The following KCNQ1 variants were observed in gnomAD, a reference collection of about 807,000 sequenced individuals.
The protein encoded by KCNQ1 is potassium voltage-gated channel subfamily Q member 1, also known as potassium voltage-gated channel subfamily KQT member 1.
Under a neutral mutation model 72.4 loss-of-function variants are expected in KCNQ1, and 49 were observed. The observed-to-expected ratio is 0.68, with a 90% CI of 0.54 to 0.86. The LOEUF is 0.86. Among genes scored for constraint, KCNQ1 ranks in the 40% least tolerant of loss-of-function variants. The pLI, the probability that KCNQ1 is intolerant of heterozygous loss-of-function variation, is 0.00. For synonymous variants in KCNQ1, 450 were observed against 412.6 expected, an observed-to-expected ratio of 1.09 and a Z score of -1.10; for missense variants, 790 against 945.1, an observed-to-expected ratio of 0.84 and a Z score of 2.15.
Position 2,488,597 on chromosome 11 carries a change from A to G in KCNQ1, c.387-39331A>G, listed in dbSNP as rs1483760881. On this transcript the variant is annotated intron_variant, in intron 1 of 15. Transcript: ENST00000155840. This position sits in a 1 kb window ranked among gnomAD's most constrained non-coding sequence, Gnocchi z 5.1. ...AGTTTTGGTAGGTTTCGTGTTTCTC[A>G]GAATTTGTCCATTTCATCTAGGTTA... Among the ~76,000 whole-genome samples, 1 of 152,164 alleles carries G rather than the reference A, an allele frequency of 6.6e-6. No homozygotes were observed. Among genetic ancestry groups the G allele is most frequent in the Non-Finnish European group, 1.5e-5 (1 of 68,024 alleles).
chr11:2,743,848 G>T (rs979654347), intron 11 of KCNQ1, among the ~76,000 whole-genome samples: 6 of 152,256 alleles, frequency 3.9e-5, no homozygotes, highest in Admixed American at 2.6e-4. Context: ...ACAGGCAGCG[G>T]GTTCTTCTGG....
Position 2,690,633 on chromosome 11 carries a change from G to C in KCNQ1, c.1514+28552G>C. The C allele has an allele frequency of 5.0e-6, 2 of 398,582 alleles. No individual in the cohort carries two copies. Among genetic ancestry groups the C allele is most frequent in the Non-Finnish European group, 8.8e-6 (2 of 226,014 alleles). The allele number at this position is 398,582 out of a possible 1,614,324, so 24.7% of individuals were successfully genotyped here. On this transcript the variant is annotated intron_variant, in intron 11 of 15. Coordinates refer to ENST00000155840, the MANE Select transcript of KCNQ1 (RefSeq NM_000218.3). This position sits in a 1 kb window ranked among gnomAD's most constrained non-coding sequence, Gnocchi z 5.1. ...TATGTGCATGTTCATATATGTGTCA[G>C]AATGCGTATTTGTCAGTGTATGTGT...
In KCNQ1 at chr11:2,482,375, C is replaced by T. The variant is rs1846664513; in HGVS notation, c.386+36891C>T. Reference sequence around the variant, plus strand: ...TTTCAATGGCTGCCTGGCATTTCCCCTGTGTTATTGAACGTAATCAACTCT... The same window carrying T: ...TTTCAATGGCTGCCTGGCATTTCCCTTGTGTTATTGAACGTAATCAACTCT... On this transcript the variant is annotated intron_variant, in intron 1 of 15. Coordinates refer to ENST00000155840, the MANE Select transcript of KCNQ1 (RefSeq NM_000218.3). This position sits in a 1 kb window ranked among gnomAD's most constrained non-coding sequence, Gnocchi z 5.7. Among the ~76,000 whole-genome samples, 2 of 152,174 alleles carry T rather than the reference C, an allele frequency of 1.3e-5. No individual in the cohort carries two copies. The highest frequency in any genetic ancestry group is 4.8e-5 in the African/African-American group (2 of 41,442).
intron 15 of KCNQ1, among the ~76,000 whole-genome samples, chr11:2,797,236 G>A (rs1029619894): frequency 2.0e-5 from 3 of 152,284 alleles, no homozygotes; most frequent in Admixed American, 1.3e-4. Flanking sequence ...GCCGGGCAGC[G>A]CTGGCCCCAG....
chr11:2,529,598 A>G (rs759823056), intron 2 of KCNQ1, among the ~76,000 whole-genome samples: 1 of 152,140 alleles, frequency 6.6e-6, no homozygotes, highest in Non-Finnish European at 1.5e-5. Flanking sequence ...TTTCTAGTCT[A>G]TCATGTTTTC....
rs538211163 is a variant in KCNQ1 at position 2,541,052 on chromosome 11, CGT to C, written c.477+13042_477+13043del. Among the ~76,000 whole-genome samples, 94 of 152,258 alleles carry C rather than the reference CGT, an allele frequency of 6.2e-4. No individual in the cohort carries two copies. The highest frequency in any genetic ancestry group is 1.2e-3 in the Non-Finnish European group (83 of 68,040). On this transcript the variant is annotated intron_variant, in intron 2 of 15. Coordinates refer to ENST00000155840, the MANE Select transcript of KCNQ1 (RefSeq NM_000218.3). This position sits in a 1 kb window ranked among gnomAD's most constrained non-coding sequence, Gnocchi z 4.8. ...ATAGGTACCCATGTGGACACACTCA[CGT>C]GTGTGTGCACGTTCAGGCTCAGACA...
chr11:2,826,473 C>G lies in KCNQ1; in HGVS notation c.1795-21294C>G, dbSNP rs2134062146. On this transcript the variant is annotated intron_variant, in intron 15 of 15. Coordinates refer to ENST00000155840, the MANE Select transcript of KCNQ1 (RefSeq NM_000218.3). The surrounding 1 kb of genome is among the most constrained non-coding windows in gnomAD (Gnocchi z 4.2). ...TTCCGCGCAGACAGTCACGGAAACT[C>G]AGGCAGACCCGGCGTTGGGTGCGCC... Among the ~76,000 whole-genome samples, 1 of 152,368 alleles carries G rather than the reference C, an allele frequency of 6.6e-6. No homozygotes were observed. Among genetic ancestry groups the G allele is most frequent in the African/African-American group, 2.4e-5 (1 of 41,596 alleles).
chr11:2,449,404 G>T (rs1305237165), intron 1 of KCNQ1, among the ~76,000 whole-genome samples: 1 of 152,222 alleles, frequency 6.6e-6, no homozygotes, highest in Non-Finnish European at 1.5e-5. Flanking sequence ...TGAGGGAGGG[G>T]CTTTGCGGGG....
chr11:2,620,935 GTTGTT>G lies in KCNQ1; in HGVS notation c.1393+32094_1393+32098del, dbSNP rs893304638. ...TATGGTTTGGTGTTTTTTTGTTGTT[GTTGTT>G]TTGTTTTGTTTTTTTTTGTCTGTTT... On this transcript the variant is annotated intron_variant, in intron 10 of 15. Coordinates refer to ENST00000155840, the MANE Select transcript of KCNQ1 (RefSeq NM_000218.3). This position sits in a 1 kb window ranked among gnomAD's most constrained non-coding sequence, Gnocchi z 4.5. The G allele has an allele frequency of 9.0e-6, 3 of 331,584 alleles. No individual in the cohort carries two copies. Among genetic ancestry groups the G allele is most frequent in the Non-Finnish European group, 1.0e-5 (2 of 200,422 alleles). 20.5% of individuals were successfully genotyped at this position (331,584 alleles called of 1,614,324 possible). A position where few individuals can be genotyped will look rare whatever the true frequency, so the allele number is the denominator to read the frequency against.
rs1466539367 is a variant in KCNQ1 at position 2,828,763 on chromosome 11, T to C, written c.1795-19004T>C. 6.6e-6 allele frequency among the ~76,000 whole-genome samples: 1 copy of C among 152,198 alleles called. No homozygotes were observed. The highest frequency in any genetic ancestry group is 1.5e-5 in the Non-Finnish European group (1 of 68,034). On this transcript the variant is annotated intron_variant, in intron 15 of 15. Transcript: ENST00000155840. This position sits in a 1 kb window ranked among gnomAD's most constrained non-coding sequence, Gnocchi z 5.3. ...AGGGATTCAGTAAATGCATTCAAGCTAAAAAGGAAGACCTCCTCCCCCACT... is the reference window on the plus strand; with the variant it reads ...AGGGATTCAGTAAATGCATTCAAGCCAAAAAGGAAGACCTCCTCCCCCACT...
intron 11 of KCNQ1, among the ~76,000 whole-genome samples, chr11:2,722,774 T>C (rs1845690846): frequency 6.6e-6 from 1 of 152,118 alleles, no homozygotes; most frequent in Non-Finnish European, 1.5e-5. Flanking sequence ...AGCTGTGCCC[T>C]GTGACCAAGA....
chr11:2,523,683 C>G (rs1847433855), intron 1 of KCNQ1, among the ~76,000 whole-genome samples: 1 of 151,556 alleles, frequency 6.6e-6, no homozygotes, highest in Non-Finnish European at 1.5e-5. Flanking sequence ...CATCACGGTG[C>G]CCCTGTGAAG....
intron 1 of KCNQ1, among the ~76,000 whole-genome samples, chr11:2,470,649 G>A (rs1846434006): frequency 6.7e-6 from 1 of 150,040 alleles, no homozygotes. Flanking sequence ...CCTGAACTCA[G>A]CTTCCAGGGT....
intron 1 of KCNQ1, among the ~76,000 whole-genome samples, chr11:2,448,150 C>T (rs1424818400): frequency 1.3e-5 from 2 of 152,218 alleles, no homozygotes; most frequent in Non-Finnish European, 2.9e-5. Context: ...TTGCTGTGAG[C>T]CTTAGCCAGG....
In KCNQ1 at chr11:2,623,670, T is replaced by TGTCCGAG; in HGVS notation, c.1393+34816_1393+34817insGTCCGAG. The TGTCCGAG allele has an allele frequency of 2.5e-6, 1 of 398,594 alleles. No individual in the cohort carries two copies. The highest frequency in any genetic ancestry group is 4.4e-6 in the Non-Finnish European group (1 of 226,034). 24.7% of individuals were successfully genotyped at this position (398,594 alleles called of 1,614,324 possible). ...ACTACAGTTTATCTGTCTACTCACCTATGGAAGGACATCTCGGTTGCTTCC... is the reference window on the plus strand; with the variant it reads ...ACTACAGTTTATCTGTCTACTCACCTGTCCGAGATGGAAGGACATCTCGGTTGCTTCC... On this transcript the variant is annotated intron_variant, in intron 10 of 15. Coordinates refer to ENST00000155840, the MANE Select transcript of KCNQ1 (RefSeq NM_000218.3). The surrounding 1 kb of genome is among the most constrained non-coding windows in gnomAD (Gnocchi z 5.2).
intron 10 of KCNQ1, chr11:2,649,010 A>G (rs1481404129): frequency 1.8e-5 from 5 of 272,212 alleles, no homozygotes; most frequent in African/African-American, 5.6e-5. Flanking sequence ...TTTTTGACTC[A>G]GTATTTTTTG....
Position 2,711,882 on chromosome 11 carries a change from G to C in KCNQ1, c.1514+49801G>C, listed in dbSNP as rs1851013957. On this transcript the variant is annotated intron_variant, in intron 11 of 15. Coordinates refer to ENST00000155840, the MANE Select transcript of KCNQ1 (RefSeq NM_000218.3). This position sits in a 1 kb window ranked among gnomAD's most constrained non-coding sequence, Gnocchi z 5.4. Reference sequence around the variant, plus strand: ...GAGGGGAGGCAGAGTTGGCTCACGGGAAAGGCTGGCCCTGAGGCATGGCAG... The same window carrying C: ...GAGGGGAGGCAGAGTTGGCTCACGGCAAAGGCTGGCCCTGAGGCATGGCAG... Among the ~76,000 whole-genome samples the C allele has an allele frequency of 6.6e-6, 1 of 152,144 alleles. No individual in the cohort carries two copies. Among genetic ancestry groups the C allele is most frequent in the Admixed American group, 6.5e-5 (1 of 15,286 alleles).
At chr11:2,788,529 T>TC (rs1846955447) in intron 15 of KCNQ1, among the ~76,000 whole-genome samples, 1 of 150,442 alleles carries the variant, frequency 6.6e-6, no homozygotes, top group African/African-American at 2.5e-5. Context: ...CCTCGGCAGC[T>TC]CCCCCTCCCC....
intron 15 of KCNQ1, among the ~76,000 whole-genome samples, chr11:2,780,289 C>A (rs969826662): frequency 6.6e-6 from 1 of 152,214 alleles, no homozygotes; most frequent in African/African-American, 2.4e-5. Context: ...GCCTGGAGGG[C>A]TTGGTGGCAC....
Sources: allele counts gnomAD v4.1 joint callset (sites outside exome capture counted in the v4.1 genomes callset), GRCh38; gene constraint gnomAD v4.1.1; non-coding constraint Gnocchi (gnomAD v3.1); transcripts MANE v1.5; gene names NCBI Gene and HGNC (gene_info 2026-07-23, HGNC 2026-07-21).